SLC24A2: variants seen among roughly 807,000 people sequenced by gnomAD.
The protein encoded by SLC24A2 is solute carrier family 24 member 2.
SLC24A2 carries 36 observed loss-of-function variants against 62.0 expected under a neutral mutation model. That is an observed-to-expected ratio of 0.58 (90% confidence interval 0.44 to 0.77). SLC24A2 has a LOEUF of 0.77. Ranked by LOEUF, SLC24A2 falls within the 30% of genes least tolerant of loss-of-function variation. SLC24A2 has a pLI of 0.00. For synonymous variants in SLC24A2, 358 were observed against 294.0 expected, an observed-to-expected ratio of 1.22 and a Z score of -2.23; for missense variants, 846 against 817.9, an observed-to-expected ratio of 1.03 and a Z score of -0.42.
chr9:20,089,613 G>C, the SLC24A2 span, among the ~76,000 whole-genome samples: 1 of 151,866 alleles, frequency 6.6e-6, no homozygotes, highest in Non-Finnish European at 1.5e-5. Context: ...ACCCCACCCA[G>C]AGTGAACATG....
chr9:19,534,341 A>G (rs1833853931), intron 8 of SLC24A2, among the ~76,000 whole-genome samples: 1 of 152,122 alleles, frequency 6.6e-6, no homozygotes, highest in East Asian at 1.9e-4. Flanking sequence ...TATAAATTGT[A>G]CATTTTTTGT....
At chr9:20,239,143 T>C in the SLC24A2 span, among the ~76,000 whole-genome samples, 2 of 152,194 alleles carry the variant, frequency 1.3e-5, no homozygotes, top group African/African-American at 2.4e-5. Context: ...CCTATCCAAA[T>C]AGCCACTGAG....
chr9:20,164,226 C>A, the SLC24A2 span, among the ~76,000 whole-genome samples: 1 of 151,900 alleles, frequency 6.6e-6, no homozygotes, highest in Admixed American at 6.6e-5. Context: ...TTTTCACAAC[C>A]TACTCATCTG....
the SLC24A2 span, among the ~76,000 whole-genome samples, chr9:20,056,634 T>C: frequency 6.6e-6 from 1 of 152,200 alleles, no homozygotes; most frequent in Non-Finnish European, 1.5e-5. Context: ...TAACTCTCAG[T>C]GGAAATCAGA....
In SLC24A2 at chr9:19,724,927, C is replaced by T. The variant is rs978131264; in HGVS notation, c.930+61010G>A. On this transcript the variant is annotated intron_variant, in intron 2 of 10. Coordinates refer to ENST00000341998, the MANE Select transcript of SLC24A2 (RefSeq NM_020344.4). ...ATCCAAAATCCTACACAACCTCAAG[C>T]GCCAGTCAAATCTCACCTCTTCCTT... Among the ~76,000 whole-genome samples, 29 of 152,244 alleles carry T rather than the reference C, an allele frequency of 1.9e-4. 1 individual carries two copies. Among genetic ancestry groups the T allele is most frequent in the African/African-American group, 5.1e-4 (21 of 41,568 alleles).
chr9:19,535,752 G>A (rs1019491016), intron 8 of SLC24A2, among the ~76,000 whole-genome samples: 1 of 152,106 alleles, frequency 6.6e-6, no homozygotes. Context: ...TTTGGTTACG[G>A]TAGCCTAGTT....
the SLC24A2 span, among the ~76,000 whole-genome samples, chr9:19,827,722 G>C: frequency 6.6e-6 from 1 of 152,024 alleles, no homozygotes; most frequent in Non-Finnish European, 1.5e-5. Context: ...AAGGGAATAA[G>C]ATGATATTTT....
At chr9:19,922,890 A>C in the SLC24A2 span, among the ~76,000 whole-genome samples, 2 of 151,472 alleles carry the variant, frequency 1.3e-5, no homozygotes, top group African/African-American at 2.4e-5. Flanking sequence ...ATTAACTTTT[A>C]AATATTTATA....
chr9:19,738,609 A>C (rs1821578735), intron 2 of SLC24A2, among the ~76,000 whole-genome samples: 1 of 152,176 alleles, frequency 6.6e-6, no homozygotes, highest in African/African-American at 2.4e-5. Flanking sequence ...TATTATTTTC[A>C]AATAAACTAT....
chr9:19,938,206 T>C, the SLC24A2 span, among the ~76,000 whole-genome samples: 607 of 152,268 alleles, frequency 4.0e-3, 3 homozygotes, highest in African/African-American at 0.014. Context: ...CCCATCATTT[T>C]GGTGTATATT....
intron 2 of SLC24A2, among the ~76,000 whole-genome samples, chr9:19,715,142 T>C (rs538233814): frequency 1.6e-3 from 247 of 152,326 alleles, no homozygotes; most frequent in Non-Finnish European, 2.2e-3. Flanking sequence ...ACATTGTTTT[T>C]GAAGTATTTC....
chr9:19,793,531 G>A (rs1298603494), upstream of SLC24A2, among the ~76,000 whole-genome samples: 2 of 152,188 alleles, frequency 1.3e-5, no homozygotes, highest in African/African-American at 4.8e-5. Flanking sequence ...CTACCACAAT[G>A]GGCATCAGTG....
chr9:19,525,044 C>A lies in SLC24A2; in HGVS notation c.1569+3005G>T, dbSNP rs1413713484. On this transcript the variant is annotated intron_variant, in intron 9 of 10. Coordinates refer to ENST00000341998, the MANE Select transcript of SLC24A2 (RefSeq NM_020344.4). ...GCCTGGACATCTGGAGGCTGAAAAC[C>A]AGCCCACCTTCTGCTGTGATTTCTG... Among the ~76,000 whole-genome samples, 6 of 152,096 alleles carry A rather than the reference C, an allele frequency of 3.9e-5. No homozygotes were observed. The South Asian group carries it at 1.0e-3, about 26-fold the overall frequency.
chr9:20,240,157 A>G, the SLC24A2 span, among the ~76,000 whole-genome samples: 6 of 152,138 alleles, frequency 3.9e-5, no homozygotes, highest in African/African-American at 1.4e-4. Flanking sequence ...CCTTTTCAAG[A>G]AGGCAGGGAA....
the SLC24A2 span, among the ~76,000 whole-genome samples, chr9:20,164,085 G>A: frequency 6.6e-6 from 1 of 152,136 alleles, no homozygotes; most frequent in South Asian, 2.1e-4. Flanking sequence ...AGGACTTCAT[G>A]TCTAAAATAC....
the SLC24A2 span, among the ~76,000 whole-genome samples, chr9:20,282,420 G>C: frequency 1.3e-5 from 2 of 152,128 alleles, no homozygotes; most frequent in Non-Finnish European, 2.9e-5. Context: ...TATGTGTCAA[G>C]TGCATTTTAC....
chr9:19,815,747 C>CAGTT, the SLC24A2 span, among the ~76,000 whole-genome samples: 3 of 152,078 alleles, frequency 2.0e-5, no homozygotes, highest in Non-Finnish European at 4.4e-5. Context: ...ACTTTGTTAA[C>CAGTT]AGTTAGGCTC....
chr9:19,568,498 A>C (rs1297377464), intron 7 of SLC24A2, among the ~76,000 whole-genome samples: 4 of 152,244 alleles, frequency 2.6e-5, no homozygotes, highest in Non-Finnish European at 5.9e-5. Flanking sequence ...GCATACACCT[A>C]AGCAGTGCTT....
chr9:19,701,999 T>C (rs1360958560), intron 2 of SLC24A2, among the ~76,000 whole-genome samples: 1 of 152,168 alleles, frequency 6.6e-6, no homozygotes, highest in Non-Finnish European at 1.5e-5. Flanking sequence ...CAGAATCTCT[T>C]GTTTTTCATT....
Sources: gnomAD v4.1 joint callset for allele counts (sites outside exome capture counted in the v4.1 genomes callset) on GRCh38, gnomAD v4.1.1 for gene constraint, MANE v1.5 for transcripts, NCBI Gene and HGNC (gene_info 2026-07-23, HGNC 2026-07-21) for gene names.